Variants in FCRL5 observed in about 807,000 individuals in gnomAD.
FCRL5 encodes the protein Fc receptor-like protein 5.
Under a neutral mutation model 92.1 loss-of-function variants are expected in FCRL5, and 79 were observed. The ratio of observed to expected loss-of-function variants is 0.86; its 90% CI spans 0.72 to 1.03. The LOEUF (loss-of-function observed/expected upper bound fraction) is 1.03, where lower values mean the gene tolerates loss of function less well. Among genes scored for constraint, FCRL5 ranks in the 50% least tolerant of loss-of-function variants. The pLI is 0.00. For missense variants in FCRL5, 1,160 were observed against 1,181.1 expected, an observed-to-expected ratio of 0.98 and a Z score of 0.26; for synonymous variants, 466 against 469.3, an observed-to-expected ratio of 0.99 and a Z score of 0.09.
intron 10 of FCRL5, chr1:157,521,675 C>T (rs144254661): frequency 8.3e-4 from 130 of 157,418 alleles, no homozygotes; most frequent in Non-Finnish European, 1.5e-3. Flanking sequence ...TACATATGCC[C>T]TTGGTGGTAA....
chr1:157,548,965 G>T (rs569799628), intron 2 of FCRL5, among the ~76,000 whole-genome samples: 5 of 152,208 alleles, frequency 3.3e-5, no homozygotes, highest in Admixed American at 3.3e-4. Context: ...AAATCATGCT[G>T]CTATAAAGGC....
At chr1:157,542,738 A>G (rs1372930103) in intron 6 of FCRL5, 121 bp downstream of exon 6, 2 of 1,190,668 alleles carry the variant, frequency 1.7e-6, no homozygotes, top group Non-Finnish European at 2.4e-6. Flanking sequence ...GTGGAGGAGG[A>G]CATTAGGTTT....
chr1:157,535,881 G>A lies in FCRL5; in HGVS notation c.1403-989C>T, dbSNP rs184525239. 1.6e-4 allele frequency among the ~76,000 whole-genome samples: 24 copies of A among 150,852 alleles called. No individual in the cohort carries two copies. In the East Asian group the frequency reaches 4.5e-3, roughly 28 times the overall value. ...GCAGCAGTCAAACCCAGGTATTCTG[G>A]TTCTAGTCTGTGTTCTTCTGCCAAA... On this transcript the variant is annotated intron_variant, in intron 7 of 16. Coordinates refer to ENST00000361835, the MANE Select transcript of FCRL5 (RefSeq NM_031281.3).
At chr1:157,520,625 G>T in intron 11 of FCRL5, 78 bp from the exon 12 acceptor site, 1 of 1,137,746 alleles carries the variant, frequency 8.8e-7, no homozygotes, top group Non-Finnish European at 1.3e-6. Flanking sequence ...CTGCTGCCTG[G>T]GCCTGACGGT....
intron 12 of FCRL5, 64 bp from the exon 13 acceptor site, chr1:157,519,834 A>C: frequency 5.8e-5 from 89 of 1,539,058 alleles, no homozygotes; most frequent in Non-Finnish European, 7.5e-5. Context: ...GGCACAGCTC[A>C]GGCAAGGCTC....
intron 2 of FCRL5, 185 bp from the exon 3 acceptor site, chr1:157,547,382 C>A (rs568511524): frequency 3.7e-6 from 3 of 807,380 alleles, no homozygotes; most frequent in Non-Finnish European, 6.5e-6. Flanking sequence ...GGAGAAATTG[C>A]CCAGGGGATG....
chr1:157,518,360 G>A, intron 15 of FCRL5, 69 bp downstream of exon 15: 1 of 1,365,090 alleles, frequency 7.3e-7, no homozygotes, highest in South Asian at 1.2e-5. Flanking sequence ...GATCTGCTGA[G>A]TGGGTAGAAA....
At chr1:157,518,895 G>A in intron 13 of FCRL5, 113 bp from the exon 14 acceptor site, 1 of 723,558 alleles carries the variant, frequency 1.4e-6, no homozygotes, top group Non-Finnish European at 2.3e-6. Context: ...CTGGAAACAT[G>A]AACAAGTACA....
At position 157,552,400 on chromosome 1, in the gene FCRL5, A is replaced by C; in HGVS notation, c.-38T>G. The C allele has an allele frequency of 1.2e-6, 2 of 1,613,134 alleles. No homozygotes were observed. The highest frequency in any genetic ancestry group is 1.7e-4 in the Middle Eastern group (1 of 6,058). On this transcript the variant is annotated 5_prime_UTR_variant, in exon 1 of 17. Coordinates refer to ENST00000361835, the MANE Select transcript of FCRL5 (RefSeq NM_031281.3). Reference sequence around the variant, plus strand: ...CACCAAGGGCTGAGATCAAAAGAGAAGTTTCCTCAATTCCAAAACAGGTTT... The same window carrying C: ...CACCAAGGGCTGAGATCAAAAGAGACGTTTCCTCAATTCCAAAACAGGTTT...
At position 157,542,745 on chromosome 1, in the gene FCRL5, G is replaced by A. The variant is rs1303791224; in HGVS notation, c.1123+114C>T. The A allele has an allele frequency of 2.4e-5, 32 of 1,308,810 alleles. No homozygotes were observed. The South Asian group carries it at 4.3e-4, about 18-fold the overall frequency. 81.1% of individuals were successfully genotyped at this position (1,308,810 alleles called of 1,614,324 possible). A position where few individuals can be genotyped will look rare whatever the true frequency, so the allele number is the denominator to read the frequency against. The stretch of plus-strand genomic sequence containing the variant: ...GCCGGAGAGTGGAGGAGGACATTAG[G>A]TTTTCCCAAGAAAGAAACTGAGGAT... On this transcript the variant is annotated intron_variant, in intron 6 of 16. Transcript: ENST00000361835.
intron 10 of FCRL5, 61 bp from the exon 11 acceptor site, chr1:157,521,353 AG>A: frequency 6.6e-7 from 1 of 1,514,482 alleles, no homozygotes; most frequent in Non-Finnish European, 8.8e-7. Flanking sequence ...AAGAAACAAA[AG>A]GTATCATAAA....
chr1:157,544,200 G>A lies in FCRL5; in HGVS notation c.844+62C>T, dbSNP rs143671328. On this transcript the variant is annotated intron_variant, in intron 5 of 16. Coordinates refer to ENST00000361835, the MANE Select transcript of FCRL5 (RefSeq NM_031281.3). ...AGAGACTGGTGACCCACGCTGATATGCAGCCCTGTCCCACTTTTCCAGCCC... is the reference window on the plus strand; with the variant it reads ...AGAGACTGGTGACCCACGCTGATATACAGCCCTGTCCCACTTTTCCAGCCC... The A allele has an allele frequency of 1.2e-3, 1,814 of 1,571,626 alleles. 16 individuals are homozygous for A. In the African/African-American group the frequency reaches 0.021, roughly 19 times the overall value.
chr1:157,540,564 C>T (rs780116742), intron 6 of FCRL5, among the ~76,000 whole-genome samples: 2 of 151,978 alleles, frequency 1.3e-5, no homozygotes, highest in Non-Finnish European at 2.9e-5. Flanking sequence ...AAAAACAACC[C>T]TATTTGCATT....
intron 12 of FCRL5, 49 bp downstream of exon 12, chr1:157,520,382 T>A (rs1471540156): frequency 7.4e-7 from 1 of 1,346,798 alleles, no homozygotes; most frequent in Admixed American, 1.9e-5. Context: ...AAGGGAGCGT[T>A]GCTGGGAAGG....
Position 157,544,394 on chromosome 1 carries a change from CT to C in FCRL5, c.711del (p.Gly238AlafsTer60). On this transcript the variant is annotated frameshift_variant, in exon 5 of 17. Coordinates refer to ENST00000361835, the MANE Select transcript of FCRL5 (RefSeq NM_031281.3). LOFTEE classifies it high-confidence loss of function. ...RFFRDDQTLG[L>X]GWSLSPNFQI... ...TGGAAATTCGGGGAGAGACTCCAGC[CT>C]AATCCCAGGGTCTGGTCATCTCTGA... The C allele has an allele frequency of 6.2e-7, 1 of 1,614,218 alleles. No individual in the cohort carries two copies. The highest frequency in any genetic ancestry group is 8.5e-7 in the Non-Finnish European group (1 of 1,180,048).
At chr1:157,544,203 G>T (rs1651410489) in intron 5 of FCRL5, 59 bp downstream of exon 5, 1 of 1,581,886 alleles carries the variant, frequency 6.3e-7, no homozygotes, top group Middle Eastern at 1.7e-4. Flanking sequence ...CTGATATGCA[G>T]CCCTGTCCCA....
chr1:157,526,575 G>A (rs1650437931), intron 9 of FCRL5, among the ~76,000 whole-genome samples: 1 of 152,164 alleles, frequency 6.6e-6, no homozygotes, highest in African/African-American at 2.4e-5. Context: ...TAGCTTCTGA[G>A]AATGCACAAA....
chr1:157,537,379 G>A (rs1171501908), intron 7 of FCRL5, among the ~76,000 whole-genome samples: 1 of 152,144 alleles, frequency 6.6e-6, no homozygotes, highest in East Asian at 1.9e-4. Context: ...GTGCTCCCAG[G>A]CTTATTAGGA....
chr1:157,543,337 A>T (rs1179570219), intron 5 of FCRL5, among the ~76,000 whole-genome samples, 200 bp from the exon 6 acceptor site: 1 of 152,198 alleles, frequency 6.6e-6, no homozygotes, highest in East Asian at 1.9e-4. Context: ...GTGCCCAATT[A>T]TTCTGAGTCT....
Sources: gnomAD v4.1 joint callset for allele counts (sites outside exome capture counted in the v4.1 genomes callset) on GRCh38, gnomAD v4.1.1 for gene constraint, MANE v1.5 for transcripts, NCBI Gene and HGNC (gene_info 2026-07-23, HGNC 2026-07-21) for gene names.